Variants in TMED6 observed in about 807,000 individuals in gnomAD.
TMED6 encodes transmembrane emp24 domain-containing protein 6.
In TMED6, 17 loss-of-function variants were observed where a neutral mutation model predicts 26.5. That is an observed-to-expected ratio of 0.64 (90% confidence interval 0.44 to 0.96). The LOEUF (loss-of-function observed/expected upper bound fraction) is 0.96. TMED6 is among the 40% of genes least tolerant of loss of function. The pLI is 0.00. For synonymous variants in TMED6, 107 were observed against 106.2 expected (o/e 1.01, Z -0.04); for missense variants, 309 against 296.5 (o/e 1.04, Z -0.31).
intron 2 of TMED6, among the ~76,000 whole-genome samples, 178 bp downstream of exon 2, chr16:69,349,347 G>A (rs531803090): frequency 7.2e-4 from 110 of 152,342 alleles, no homozygotes; most frequent in African/African-American, 2.3e-3. Context: ...CCCCCAAATC[G>A]TCAGTAGACT....
intron 2 of TMED6, chr16:69,348,208 C>G (rs956714103): frequency 3.6e-6 from 1 of 280,210 alleles, no homozygotes; most frequent in African/African-American, 2.1e-5. Flanking sequence ...ATATAATTCC[C>G]ACATCTTGTA....
At chr16:69,343,729 A>T in intron 3 of TMED6, 89 bp from the exon 4 acceptor site, 6 of 984,044 alleles carry the variant, frequency 6.1e-6, no homozygotes, top group Non-Finnish European at 9.4e-6. Flanking sequence ...ATCTCAAGTC[A>T]AATAATTTAC....
At chr16:69,348,966 C>A (rs761395049) in intron 2 of TMED6, among the ~76,000 whole-genome samples, 14 of 152,202 alleles carry the variant, frequency 9.2e-5, no homozygotes, top group Non-Finnish European at 1.8e-4. Flanking sequence ...TAGTGAAGGA[C>A]TGTCTGATGC....
At chr16:69,347,417 G>A (rs2012703118) in intron 3 of TMED6, among the ~76,000 whole-genome samples, 1 of 152,196 alleles carries the variant, frequency 6.6e-6, no homozygotes, top group Non-Finnish European at 1.5e-5. Flanking sequence ...GGAGTGTAGT[G>A]GCGTGATCTC....
At chr16:69,343,773 G>A (rs2012630603) in intron 3 of TMED6, 133 bp from the exon 4 acceptor site, 1 of 714,542 alleles carries the variant, frequency 1.4e-6, no homozygotes, top group South Asian at 1.9e-5. Context: ...TACAATGATA[G>A]TTGTTAAATG....
intron 2 of TMED6, 81 bp from the exon 3 acceptor site, chr16:69,348,017 GT>G: frequency 6.8e-7 from 1 of 1,477,726 alleles, no homozygotes; most frequent in South Asian, 1.3e-5. Context: ...CTGTCCTCTA[GT>G]TTTGGAATTC....
intron 3 of TMED6, among the ~76,000 whole-genome samples, chr16:69,344,417 A>G (rs922573473): frequency 6.6e-6 from 1 of 152,228 alleles, no homozygotes; most frequent in Non-Finnish European, 1.5e-5. Flanking sequence ...CTGTGTTTCA[A>G]GAAAACTTCC....
intron 1 of TMED6, among the ~76,000 whole-genome samples, chr16:69,350,381 C>A (rs1173214763): frequency 6.6e-6 from 1 of 151,692 alleles, no homozygotes; most frequent in African/African-American, 2.4e-5. Context: ...CTCACTGCAA[C>A]CTCCACCTCC....
rs17851836 is a variant in TMED6 at position 69,351,545 on chromosome 16, T to C, written c.209A>G (p.Tyr70Cys). The C allele has an allele frequency of 1.2e-6, 2 of 1,613,824 alleles. No individual in the cohort carries two copies. ...AHQTGYFYFSYEVQRTVGMSH... is the reference protein window; with the variant it reads ...AHQTGYFYFSCEVQRTVGMSH... ...TATGGCCAGTCACCCACATACCTCG[T>C]AACTGAAATAGAAGTATCCAGTCTG... The change falls in exon 1 of 4, where the codon TAC (tyrosine) becomes TGC (cysteine). Residue 70 changes from tyrosine to cysteine, a missense_variant. Tyr to Cys is a radical substitution (Grantham distance 194). Coordinates refer to ENST00000288025, the MANE Select transcript of TMED6 (RefSeq NM_144676.4).
At chr16:69,343,890 G>A (rs1415079233) in intron 3 of TMED6, among the ~76,000 whole-genome samples, 3 of 152,114 alleles carry the variant, frequency 2.0e-5, no homozygotes, top group South Asian at 2.1e-4. Flanking sequence ...GTACAGTGGC[G>A]CAGTCACAGC....
Position 69,343,449 on chromosome 16 carries a change from G to T in TMED6, c.681C>A (p.Phe227Leu). ...ILQLYFLKRLFNVPTTTDTKK... is the reference protein window; with the variant it reads ...ILQLYFLKRLLNVPTTTDTKK... ...TTGTATCTGTAGTTGTTGGAACATT[G>T]AAGAGACGCTTCAAGAAATACAGTT... The change falls in exon 4 of 4, where the codon TTC (phenylalanine) becomes TTA (leucine). Residue 227 changes from phenylalanine (F) to leucine (L), a missense_variant. Phe to Leu is a conservative substitution (Grantham distance 22). Transcript: ENST00000288025. The T allele has an allele frequency of 6.2e-7, 1 of 1,614,142 alleles. No homozygotes were observed. Among genetic ancestry groups the T allele is most frequent in the Non-Finnish European group, 8.5e-7 (1 of 1,180,024 alleles).
In TMED6 at chr16:69,351,535, A is replaced by C. The variant is rs764460941; in HGVS notation, c.213+6T>G. The C allele has an allele frequency of 1.9e-6, 3 of 1,613,832 alleles. No homozygotes were observed. In the East Asian group the frequency reaches 6.7e-5, roughly 36 times the overall value. ...AGCCCCCCAGTATGGCCAGTCACCC[A>C]CATACCTCGTAACTGAAATAGAAGT... On this transcript the variant is annotated splice_donor_region_variant and intron_variant, in intron 1 of 3. Transcript: ENST00000288025.
chr16:69,345,079 ACT>A (rs1358939852), intron 3 of TMED6, among the ~76,000 whole-genome samples: 1 of 151,704 alleles, frequency 6.6e-6, no homozygotes, highest in African/African-American at 2.4e-5. Context: ...ACAAAGCGAG[ACT>A]CTGTCTCAAA....
chr16:69,350,017 A>G (rs1388293830), intron 1 of TMED6, among the ~76,000 whole-genome samples: 1 of 152,094 alleles, frequency 6.6e-6, no homozygotes, highest in Non-Finnish European at 1.5e-5. Flanking sequence ...CACGCCTGTA[A>G]TCCCAGCACT....
chr16:69,343,346 T>C lies in TMED6; in HGVS notation c.*61A>G. ...ATAATTGATTTTTGTCCCATAACAT[T>C]ACAAAGCTGATTCGACTAAGCCCCA... On this transcript the variant is annotated 3_prime_UTR_variant, in exon 4 of 4. Transcript: ENST00000288025. The C allele has an allele frequency of 6.9e-7, 1 of 1,446,404 alleles. No individual in the cohort carries two copies. The highest frequency in any genetic ancestry group is 1.2e-5 in the South Asian group (1 of 80,946). 89.6% of individuals were successfully genotyped at this position (1,446,404 alleles called of 1,614,324 possible).
rs372704247 is a variant in TMED6 at position 69,347,809 on chromosome 16, A to T, written c.468T>A (p.Asn156Lys). The change falls in exon 3 of 4, where the codon AAT becomes AAA. Residue 156 changes from asparagine to lysine, a missense_variant. By Grantham distance (94) the Asn-to-Lys change is moderately conservative. Transcript: ENST00000288025. ...DHKQKERKQL[N>K]DTLDAIEDGT... ...TTACCTCAATTGCATCCAGAGTATC[A>T]TTCAGTTGTTTTCTTTCCTTCTGTT... is the stretch of plus-strand genomic sequence containing the variant. 9 of 1,614,138 alleles carry T rather than the reference A, an allele frequency of 5.6e-6. No individual in the cohort carries two copies. The highest frequency in any genetic ancestry group is 7.6e-6 in the Non-Finnish European group (9 of 1,180,032).
chr16:69,347,893 AC>A lies in TMED6; in HGVS notation c.383del (p.Gly128ValfsTer28). Reference sequence around the variant, plus strand: ...CAAAGTTGAGGTACACTTGCACAGAACCGAAGTGATTATGCTGATTACTTAG... The same window carrying A: ...CAAAGTTGAGGTACACTTGCACAGAACGAAGTGATTATGCTGATTACTTAG... ...LCLSNQHNHF[G>X]SVQVYLNFGV... is the part of the protein sequence containing the mutation. On this transcript the variant is annotated frameshift_variant, in exon 3 of 4. Transcript: ENST00000288025. LOFTEE classifies it high-confidence loss of function. The A allele has an allele frequency of 6.2e-7, 1 of 1,614,120 alleles. No homozygotes were observed.
chr16:69,344,732 C>T (rs1480407623), intron 3 of TMED6, among the ~76,000 whole-genome samples: 1 of 148,126 alleles, frequency 6.8e-6, no homozygotes, highest in African/African-American at 2.5e-5. Context: ...GAGATCGTGC[C>T]ACTGTACTCC....
intron 1 of TMED6, 101 bp downstream of exon 1, chr16:69,351,440 T>C: frequency 9.2e-7 from 1 of 1,091,998 alleles, no homozygotes; most frequent in Admixed American, 2.3e-5. Context: ...AATCACAGCA[T>C]AATAAAGACA....
Sources: gnomAD v4.1 joint callset for allele counts (sites outside exome capture counted in the v4.1 genomes callset) on GRCh38, gnomAD v4.1.1 for gene constraint, MANE v1.5 for transcripts, NCBI Gene and HGNC (gene_info 2026-07-23, HGNC 2026-07-21) for gene names.